JAKMIP3: variants seen among roughly 807,000 people sequenced by gnomAD.
JAKMIP3 encodes the protein Janus kinase and microtubule interacting protein 3, also known as janus kinase and microtubule-interacting protein 3.
JAKMIP3 carries 58 observed loss-of-function variants against 118.5 expected under a neutral mutation model. The observed-to-expected ratio is 0.49, with a 90% confidence interval of 0.40 to 0.61. The LOEUF is 0.61. JAKMIP3 is among the 20% of genes least tolerant of loss of function. JAKMIP3 has a pLI of 0.00. For synonymous variants in JAKMIP3, 486 were observed against 451.2 expected, an observed-to-expected ratio of 1.08 and a Z score of -0.98; for missense variants, 950 against 1,109.0, an observed-to-expected ratio of 0.86 and a Z score of 2.04.
intron 1 of JAKMIP3, among the ~76,000 whole-genome samples, chr10:132,072,693 TTAAG>T (rs898363352): frequency 4.6e-5 from 7 of 152,248 alleles, no homozygotes; most frequent in Non-Finnish European, 8.8e-5. Flanking sequence ...CTTCTTTGTA[TTAAG>T]TATTTTTTAT....
At chr10:132,111,669 A>C (rs1044385817) in intron 2 of JAKMIP3, among the ~76,000 whole-genome samples, 6 of 152,132 alleles carry the variant, frequency 3.9e-5, no homozygotes, top group African/African-American at 1.4e-4. Flanking sequence ...TGGGCATCCC[A>C]CCATGGCGAG....
At position 132,042,184 on chromosome 10, in the gene JAKMIP3, C is replaced by CTCCTTCCT. The variant is rs58374693; in HGVS notation, c.-138+5473_-138+5480dup. Among the ~76,000 whole-genome samples the CTCCTTCCT allele has an allele frequency of 5.9e-3, 780 of 132,122 alleles. 2 individuals are homozygous for CTCCTTCCT. Among genetic ancestry groups the CTCCTTCCT allele is most frequent in the Non-Finnish European group, 8.1e-3 (510 of 63,290 alleles). 86.7% of individuals were successfully genotyped at this position (132,122 alleles called of 152,430 possible). On this transcript the variant is annotated intron_variant, in intron 1 of 23. Coordinates refer to the JAKMIP3 transcript ENST00000657785. Reference sequence around the variant, plus strand: ...CCCCGCTAGTTCACTTGCTCGCTCGCTCCTTCCTTCCTTCCTTCCTTCCTT... The same window carrying CTCCTTCCT: ...CCCCGCTAGTTCACTTGCTCGCTCGCTCCTTCCTTCCTTCCTTCCTTCCTTCCTTCCTT...
chr10:132,143,401 C>G (rs1332720268), intron 11 of JAKMIP3, among the ~76,000 whole-genome samples: 1 of 152,134 alleles, frequency 6.6e-6, no homozygotes, highest in Non-Finnish European at 1.5e-5. Context: ...CCTGGCCAAG[C>G]TCGCCAGGAG....
At chr10:132,154,119 T>C (rs1423651865) in intron 19 of JAKMIP3, 129 bp downstream of exon 19, 3 of 727,014 alleles carry the variant, frequency 4.1e-6, no homozygotes, top group African/African-American at 3.5e-5. Context: ...TGGCCCCTAA[T>C]GACACCTGCA....
Position 132,180,716 on chromosome 10 carries a change from T to G in JAKMIP3, c.*1104-1641T>G, listed in dbSNP as rs934308822. On this transcript the variant is annotated intron_variant, in intron 23 of 23. Coordinates refer to ENST00000684848, the MANE Select transcript of JAKMIP3 (RefSeq NM_001323087.2). Reference sequence around the variant, plus strand: ...GCGTGCGTGTGTGTGTGCGCGTGTGTGTGCGTGTGTGTGCGTGTGTGCGTG... The same window carrying G: ...GCGTGCGTGTGTGTGTGCGCGTGTGGGTGCGTGTGTGTGCGTGTGTGCGTG... Among the ~76,000 whole-genome samples the G allele has an allele frequency of 2.0e-4, 5 of 25,172 alleles. 2 individuals are homozygous for G. Among genetic ancestry groups the G allele is most frequent in the African/African-American group, 5.2e-4 (2 of 3,838 alleles). 16.5% of individuals were successfully genotyped at this position (25,172 alleles called of 152,430 possible).
At chr10:132,108,933 ATG>A (rs2046335837) in intron 2 of JAKMIP3, among the ~76,000 whole-genome samples, 1 of 149,464 alleles carries the variant, frequency 6.7e-6, no homozygotes, top group African/African-American at 2.4e-5. Context: ...ATATACGCAA[ATG>A]TATATATAAA....
At chr10:132,124,282 C>T (rs982063879) in intron 3 of JAKMIP3, among the ~76,000 whole-genome samples, 1 of 152,204 alleles carries the variant, frequency 6.6e-6, no homozygotes, top group Non-Finnish European at 1.5e-5. Context: ...GCCACGCGGT[C>T]GCCCGTCCCA....
intron 1 of JAKMIP3, among the ~76,000 whole-genome samples, chr10:132,042,999 T>C (rs1589998215): frequency 6.6e-6 from 1 of 150,628 alleles, no homozygotes; most frequent in African/African-American, 2.4e-5. Context: ...GAGATTGAGG[T>C]GGGAGGACTA....
chr10:132,044,203 C>T lies in JAKMIP3; in HGVS notation c.-138+7465C>T, dbSNP rs568791123. ...CTTAGGGCCGCCCTTCCAGGTGGCT[C>T]GCCACAGCTCCTGCTCCAGTGCCCT... is the stretch of plus-strand genomic sequence containing the variant. On this transcript the variant is annotated intron_variant, in intron 1 of 23. Coordinates refer to the JAKMIP3 transcript ENST00000657785. This position sits in a 1 kb window ranked among gnomAD's most constrained non-coding sequence, Gnocchi z 5.3. Among the ~76,000 whole-genome samples the T allele has an allele frequency of 5.8e-4, 88 of 152,322 alleles. No individual in the cohort carries two copies. Among genetic ancestry groups the T allele is most frequent in the Non-Finnish European group, 1.1e-3 (75 of 68,028 alleles).
chr10:132,120,052 T>C (rs1012261583), intron 3 of JAKMIP3, among the ~76,000 whole-genome samples: 1 of 152,204 alleles, frequency 6.6e-6, no homozygotes, highest in Non-Finnish European at 1.5e-5. Context: ...AATAGCCTAG[T>C]CAGAGACAAA....
intron 3 of JAKMIP3, among the ~76,000 whole-genome samples, chr10:132,131,209 C>T (rs534719543): frequency 1.2e-4 from 10 of 85,280 alleles, no homozygotes; most frequent in Non-Finnish European, 1.6e-4. Context: ...TGTGGGGAGA[C>T]GGGAGTTCAG....
upstream of JAKMIP3, among the ~76,000 whole-genome samples, chr10:132,060,230 C>T (rs2038353345): frequency 6.6e-6 from 1 of 152,064 alleles, no homozygotes; most frequent in Non-Finnish European, 1.5e-5. Context: ...GTCTTTGCCT[C>T]CCCCAAGTTT....
At chr10:132,156,518 TC>T (rs1241833431) in intron 19 of JAKMIP3, among the ~76,000 whole-genome samples, 1 of 152,166 alleles carries the variant, frequency 6.6e-6, no homozygotes, top group East Asian at 1.9e-4. Context: ...CTGCTGCTGT[TC>T]CATCTGCCTG....
chr10:132,037,908 G>GC (rs956263789), intron 1 of JAKMIP3, among the ~76,000 whole-genome samples: 5 of 152,248 alleles, frequency 3.3e-5, no homozygotes, highest in African/African-American at 1.2e-4. Context: ...GTACCAATTG[G>GC]CCCCGAGTCG....
rs747284531 is a variant in JAKMIP3 at position 132,133,370 on chromosome 10, T to C, written c.692T>C (p.Val231Ala). The C allele has an allele frequency of 1.9e-6, 3 of 1,602,488 alleles. No individual in the cohort carries two copies. The highest frequency in any genetic ancestry group is 8.5e-7 in the Non-Finnish European group (1 of 1,174,692). The part of the protein sequence containing the change: ...AVFVLERELG[V>A]QAGHAQRLQL... ...TTCGTGCTGGAGAGAGAGTTAGGGG[T>C]TCAAGCCGGGCATGCTCAGAGACTG... Residue 231 changes from valine (V) to alanine (A), a missense_variant, in exon 4 of 24, where the codon GTT becomes GCT. Val to Ala is a moderately conservative substitution (Grantham distance 64). Transcript: ENST00000684848.
chr10:132,138,468 G>A lies in JAKMIP3; in HGVS notation c.1344+290G>A, dbSNP rs540650522. ...TGTGTGTGCCGAGGACCGCGCCCGC[G>A]TGTGTGGAGAGCGCTGGTGTGTGTG... On this transcript the variant is annotated intron_variant, in intron 9 of 23. Transcript: ENST00000684848. Among the ~76,000 whole-genome samples the A allele has an allele frequency of 1.2e-3, 189 of 152,098 alleles. No individual in the cohort carries two copies. In the Middle Eastern group the frequency reaches 0.014, roughly 11 times the overall value.
At chr10:132,081,710 C>T (rs550523575) in intron 1 of JAKMIP3, among the ~76,000 whole-genome samples, 12 of 152,104 alleles carry the variant, frequency 7.9e-5, no homozygotes, top group African/African-American at 2.7e-4. Context: ...AGAGATGAGC[C>T]AGCCCCTCTG....
chr10:132,180,566 T>TGCGTGTGTGTGTGCGTGC lies in JAKMIP3; in HGVS notation c.*1104-1755_*1104-1738dup, dbSNP rs1468891164. ...GTGTGCGTGCGTGCATGCGTGTGTGTGCGTGTGTGTGTGCGTGCGCGTGTG... is the reference window on the plus strand; with the variant it reads ...GTGTGCGTGCGTGCATGCGTGTGTGTGCGTGTGTGTGTGCGTGCGCGTGTGTGTGTGCGTGCGCGTGTG... On this transcript the variant is annotated intron_variant, in intron 23 of 23. Transcript: ENST00000684848. Among the ~76,000 whole-genome samples, 10 of 31,716 alleles carry TGCGTGTGTGTGTGCGTGC rather than the reference T, an allele frequency of 3.2e-4. 2 individuals are homozygous for TGCGTGTGTGTGTGCGTGC. Among genetic ancestry groups the TGCGTGTGTGTGTGCGTGC allele is most frequent in the Admixed American group, 3.2e-4 (1 of 3,168 alleles). 20.8% of individuals were successfully genotyped at this position (31,716 alleles called of 152,430 possible).
rs1219545065 is a variant in JAKMIP3, at chr10:132,173,735, CTG to C, written c.*1103+4705_*1103+4706del. Among the ~76,000 whole-genome samples, 4 of 112,440 alleles carry C rather than the reference CTG, an allele frequency of 3.6e-5. 1 individual carries two copies. Among genetic ancestry groups the C allele is most frequent in the Non-Finnish European group, 8.1e-5 (4 of 49,656 alleles). The allele number at this position is 112,440 out of a possible 152,430, so 73.8% of individuals were successfully genotyped here. On this transcript the variant is annotated intron_variant, in intron 23 of 23. Coordinates refer to ENST00000684848, the MANE Select transcript of JAKMIP3 (RefSeq NM_001323087.2). ...TCATGGTGGTGTGTGTGTGGTGTGT[CTG>C]TGGTGGTCTGTGGTGTGTCTCTGGT...
Sources: allele counts gnomAD v4.1 joint callset (sites outside exome capture counted in the v4.1 genomes callset), GRCh38; gene constraint gnomAD v4.1.1; non-coding constraint Gnocchi (gnomAD v3.1); transcripts MANE v1.5; gene names NCBI Gene and HGNC (gene_info 2026-07-23, HGNC 2026-07-21).